The following NOP53 variants were observed in gnomAD, a reference collection of about 807,000 sequenced individuals.
NOP53 encodes the protein NOP53 ribosome biogenesis factor, also known as ribosome biogenesis protein NOP53.
NOP53 carries 40 observed loss-of-function variants against 61.0 expected under a neutral mutation model. The ratio of observed to expected loss-of-function variants is 0.66; its 90% CI spans 0.51 to 0.85. The LOEUF (loss-of-function observed/expected upper bound fraction) is 0.85, where lower values mean the gene tolerates loss of function less well. Among genes scored for constraint, NOP53 ranks in the 40% least tolerant of loss-of-function variants. The pLI is 0.00. For missense variants in NOP53, 689 were observed against 652.9 expected (o/e 1.06, Z -0.60); for synonymous variants, 308 against 289.5 (o/e 1.06, Z -0.65).
chr19:47,752,740 T>A (rs1452490207), intron 6 of NOP53, 133 bp downstream of exon 6: 21 of 641,204 alleles, frequency 3.3e-5, no homozygotes, highest in Non-Finnish European at 5.7e-5. Flanking sequence ...GGGCTCACGG[T>A]CCAGTGCAAG....
chr19:47,745,729 G>C lies in NOP53; in HGVS notation c.170G>C (p.Gly57Ala), dbSNP rs1025252836. The C allele has an allele frequency of 3.7e-6, 6 of 1,608,256 alleles. No individual in the cohort carries two copies. In the East Asian group the frequency reaches 1.3e-4, roughly 36 times the overall value. Residue 57 changes from glycine (G) to alanine (A), a missense_variant, in exon 1 of 13, where the codon GGG becomes GCG. Coordinates refer to ENST00000246802, the MANE Select transcript of NOP53 (RefSeq NM_015710.5). ...CGGCGGCTTGCTCAGGAGCCGCTGG[G>C]GCTGGAGGTTGACCAGTTCCTGGAA... The part of the protein sequence containing the change: ...GWRRLAQEPL[G>A]LEVDQFLEDV...
chr19:47,747,569 G>A (rs1232852849), intron 2 of NOP53, among the ~76,000 whole-genome samples: 3 of 151,760 alleles, frequency 2.0e-5, no homozygotes, highest in Non-Finnish European at 4.4e-5. Context: ...TTGAACCTGG[G>A]AGGTGGAGGT....
At chr19:47,750,115 G>C in intron 2 of NOP53, 63 bp from the exon 3 acceptor site, 1 of 1,010,276 alleles carries the variant, frequency 9.9e-7, no homozygotes, top group Non-Finnish European at 1.6e-6. Flanking sequence ...AGGTGAATAG[G>C]GTGGGTGGTC....
In NOP53 at chr19:47,755,340, C is replaced by T; in HGVS notation, c.1054-8C>T. ...GGCCTGAGCCCTGACCCTCCCCCGT[C>T]TCCACAGCGGGTACAGCAGGCCGCG... On this transcript the variant is annotated splice_polypyrimidine_tract_variant and splice_region_variant and intron_variant, in intron 8 of 12. Transcript: ENST00000246802. 1 of 1,492,122 alleles carries T rather than the reference C, an allele frequency of 6.7e-7. No individual in the cohort carries two copies. The highest frequency in any genetic ancestry group is 8.9e-7 in the Non-Finnish European group (1 of 1,129,212). The allele number at this position is 1,492,122 out of a possible 1,614,324, so 92.4% of individuals were successfully genotyped here.
intron 9 of NOP53, 68 bp from the exon 10 acceptor site, chr19:47,755,688 G>A (rs1274473155): frequency 2.9e-5 from 42 of 1,451,526 alleles, no homozygotes; most frequent in Non-Finnish European, 3.9e-5. Flanking sequence ...TCTCCAGGAG[G>A]GGGCTTTGGA....
At chr19:47,747,157 A>G (rs3745756) in intron 2 of NOP53, 126 bp downstream of exon 2, 461,775 of 705,136 alleles carry the variant, frequency 0.65, 156,313 homozygotes, top group South Asian at 0.73. Flanking sequence ...GGTCAACCTT[A>G]ATATAAACAA....
intron 8 of NOP53, among the ~76,000 whole-genome samples, chr19:47,755,123 G>A (rs2241383): frequency 0.55 from 83,034 of 151,824 alleles, 26,033 homozygotes; most frequent in South Asian, 0.72. Flanking sequence ...TTTGAGGGGC[G>A]GGGTGGGGGG....
At position 47,751,257 on chromosome 19, in the gene NOP53, C is replaced by T. The variant is rs983893571; in HGVS notation, c.598+150C>T. 57 of 744,228 alleles carry T rather than the reference C, an allele frequency of 7.7e-5. 1 individual carries two copies. Among genetic ancestry groups the T allele is most frequent in the East Asian group, 6.2e-4 (23 of 37,126 alleles). The allele number at this position is 744,228 out of a possible 1,614,324, so 46.1% of individuals were successfully genotyped here. ...AGCAGAGTCGTGCGTCCTGAAGGGG[C>T]GGCCGTTTCCCACTCGTGCTTTTCC... On this transcript the variant is annotated intron_variant, in intron 4 of 12. Coordinates refer to ENST00000246802, the MANE Select transcript of NOP53 (RefSeq NM_015710.5).
intron 2 of NOP53, among the ~76,000 whole-genome samples, chr19:47,748,287 T>C (rs1291336085): frequency 1.3e-5 from 2 of 152,026 alleles, no homozygotes; most frequent in African/African-American, 4.8e-5. Flanking sequence ...ACGTCTTAAC[T>C]TGCTTGCCTT....
intron 3 of NOP53, 65 bp downstream of exon 3, chr19:47,750,351 G>A: frequency 1.0e-6 from 1 of 978,770 alleles, no homozygotes; most frequent in Non-Finnish European, 1.6e-6. Flanking sequence ...GGGTTTCCGG[G>A]GCTGGGGGCT....
At chr19:47,752,324 G>T (rs1967134333) in intron 5 of NOP53, among the ~76,000 whole-genome samples, 188 bp from the exon 6 acceptor site, 2 of 152,076 alleles carry the variant, frequency 1.3e-5, no homozygotes, top group African/African-American at 4.8e-5. Flanking sequence ...CAGCCTCGTG[G>T]GTAGCAGAGG....
In NOP53 at chr19:47,754,451, C is replaced by G. The variant is rs892944866; in HGVS notation, c.766-76C>G. ...GGATCCACGGGCACTGGATGAGGGA[C>G]AGATGGGAGGTAAGAGGGTCTAGTC... On this transcript the variant is annotated intron_variant, in intron 6 of 12. Coordinates refer to ENST00000246802, the MANE Select transcript of NOP53 (RefSeq NM_015710.5). The surrounding 1 kb of genome is among the most constrained non-coding windows in gnomAD (Gnocchi z 4.2). The G allele has an allele frequency of 7.8e-6, 9 of 1,149,520 alleles. No individual in the cohort carries two copies. The highest frequency in any genetic ancestry group is 6.1e-5 in the Admixed American group (3 of 48,892). The allele number at this position is 1,149,520 out of a possible 1,614,324, so 71.2% of individuals were successfully genotyped here. A position where few individuals can be genotyped will look rare whatever the true frequency, so the allele number is the denominator to read the frequency against.
At chr19:47,750,458 G>A (rs1288358188) in intron 3 of NOP53, among the ~76,000 whole-genome samples, 172 bp downstream of exon 3, 1 of 152,056 alleles carries the variant, frequency 6.6e-6, no homozygotes, top group East Asian at 1.9e-4. Flanking sequence ...GTGCTGGGCC[G>A]AGGCAGGTGA....
Position 47,754,675 on chromosome 19 carries a change from T to C in NOP53, c.871-34T>C. 6.5e-6 allele frequency: 9 copies of C among 1,391,982 alleles called. No individual in the cohort carries two copies. The highest frequency in any genetic ancestry group is 8.7e-6 in the Non-Finnish European group (9 of 1,028,788). The allele number at this position is 1,391,982 out of a possible 1,614,324, so 86.2% of individuals were successfully genotyped here. A position where few individuals can be genotyped will look rare whatever the true frequency, so the allele number is the denominator to read the frequency against. ...CACTCCCTCCCCTCCCCGGGCCTCC[T>C]ACCCACCCCTGACACTGCACCCCGC... On this transcript the variant is annotated intron_variant, in intron 7 of 12. Coordinates refer to ENST00000246802, the MANE Select transcript of NOP53 (RefSeq NM_015710.5). The surrounding 1 kb of genome is among the most constrained non-coding windows in gnomAD (Gnocchi z 4.2).
At chr19:47,756,226 C>T (rs1967196206) in intron 10 of NOP53, 2 of 536,910 alleles carry the variant, frequency 3.7e-6, no homozygotes, top group South Asian at 2.4e-5. Flanking sequence ...GCCAGTTGTG[C>T]TCATGAGCGG....
Position 47,750,958 on chromosome 19 carries a change from A to G in NOP53, c.449A>G (p.Gln150Arg). 6.3e-7 allele frequency: 1 copy of G among 1,599,758 alleles called. No homozygotes were observed. Among genetic ancestry groups the G allele is most frequent in the Non-Finnish European group, 8.5e-7 (1 of 1,174,480 alleles). ...PNAKKLRRKE[Q>R]LWEKLAKQGE... is the part of the protein sequence containing the mutation. Reference sequence around the variant, plus strand: ...GCCAAGAAGCTCAGGCGGAAGGAGCAGCTATGGGAGAAGCTGGCCAAGCAG... The same window carrying G: ...GCCAAGAAGCTCAGGCGGAAGGAGCGGCTATGGGAGAAGCTGGCCAAGCAG... Residue 150 changes from glutamine to arginine, a missense_variant, in exon 4 of 13, where the codon CAG (glutamine) becomes CGG (arginine). By Grantham distance (43) the Gln-to-Arg change is conservative (BLOSUM62 1). Transcript: ENST00000246802.
intron 1 of NOP53, 198 bp from the exon 2 acceptor site, chr19:47,746,769 C>T (rs1271422221): frequency 2.0e-6 from 1 of 489,786 alleles, no homozygotes; most frequent in African/African-American, 2.0e-5. Flanking sequence ...TCCCAAAGTG[C>T]TGGGATTACA....
chr19:47,750,933 G>T lies in NOP53; in HGVS notation c.424G>T (p.Ala142Ser), dbSNP rs370551658. 1.6e-5 allele frequency: 26 copies of T among 1,595,528 alleles called. No individual in the cohort carries two copies. Among genetic ancestry groups the T allele is most frequent in the Non-Finnish European group, 2.1e-5 (25 of 1,172,712 alleles). The change falls in exon 4 of 13, where the codon GCC becomes TCC. Residue 142 changes from alanine to serine, a missense_variant. Coordinates refer to ENST00000246802, the MANE Select transcript of NOP53 (RefSeq NM_015710.5). ...CGTCCTCGCCCACCAGGTCCCCAAC[G>T]CCAAGAAGCTCAGGCGGAAGGAGCA... ...KDVLAHQVPN[A>S]KKLRRKEQLW...
Position 47,755,802 on chromosome 19 carries a change from G to A in NOP53, c.1276G>A (p.Asp426Asn). 5.0e-6 allele frequency: 8 copies of A among 1,609,892 alleles called. 1 individual carries two copies. The South Asian group carries it at 8.9e-5, about 18-fold the overall frequency. Reference protein sequence around the residue: ...IDVQLSSELTDSLRTLKPEGN... With the variant: ...IDVQLSSELTNSLRTLKPEGN... ...CGTGCAGCTGAGCTCGGAGCTGACAGACTCGCTCAGGACCCTGAAGGTGCT... is the reference window on the plus strand; with the variant it reads ...CGTGCAGCTGAGCTCGGAGCTGACAAACTCGCTCAGGACCCTGAAGGTGCT... The change falls in exon 10 of 13, where the codon GAC becomes AAC. Residue 426 changes from aspartate (D) to asparagine (N), a missense_variant. Physicochemically the swap from Asp to Asn is conservative, Grantham distance 23. Coordinates refer to ENST00000246802, the MANE Select transcript of NOP53 (RefSeq NM_015710.5).
Sources: allele counts gnomAD v4.1 joint callset (sites outside exome capture counted in the v4.1 genomes callset), GRCh38; gene constraint gnomAD v4.1.1; non-coding constraint Gnocchi (gnomAD v3.1); transcripts MANE v1.5; gene names NCBI Gene and HGNC (gene_info 2026-07-23, HGNC 2026-07-21).